MRTO4: variants seen among roughly 807,000 people sequenced by gnomAD.
MRTO4 encodes the protein mRNA turnover protein 4 homolog.
In MRTO4, 7 loss-of-function variants were observed where a neutral mutation model predicts 28.6. The observed-to-expected ratio is 0.24, with a 90% confidence interval of 0.14 to 0.46. The LOEUF is 0.46. Ranked by LOEUF, MRTO4 falls within the 20% of genes least tolerant of loss-of-function variation. The pLI, the probability that MRTO4 is intolerant of heterozygous loss-of-function variation, is 0.99. For synonymous variants in MRTO4, 113 were observed against 108.2 expected, an observed-to-expected ratio of 1.04 and a Z score of -0.27; for missense variants, 302 against 298.3, an observed-to-expected ratio of 1.01 and a Z score of -0.09.
chr1:19,259,705 GA>G lies in MRTO4; in HGVS notation c.*879del, dbSNP rs1258626228. On this transcript the variant is annotated 3_prime_UTR_variant, in exon 8 of 8. Coordinates refer to ENST00000330263, the MANE Select transcript of MRTO4 (RefSeq NM_016183.4). ...CCCCTTGGCAGAGGGATTTGCTGAG[GA>G]AAATTAGGTATCCTTCCTAGCCCTC... is the stretch of plus-strand genomic sequence containing the variant. The G allele has an allele frequency of 6.6e-6, 1 of 152,300 alleles. No individual in the cohort carries two copies. Among genetic ancestry groups the G allele is most frequent in the Non-Finnish European group, 1.5e-5 (1 of 68,090 alleles). The allele number at this position is 152,300 out of a possible 1,614,324, so 9.4% of individuals were successfully genotyped here. A position where few individuals can be genotyped will look rare whatever the true frequency, so the allele number is the denominator to read the frequency against.
rs1045780459 is a variant in MRTO4 at position 19,254,333 on chromosome 1, G to T, written c.29-449G>T. Among the ~76,000 whole-genome samples the T allele has an allele frequency of 7.2e-5, 11 of 152,094 alleles. 1 individual carries two copies. The highest frequency in any genetic ancestry group is 2.7e-4 in the African/African-American group (11 of 41,398). On this transcript the variant is annotated intron_variant, in intron 1 of 7. Coordinates refer to ENST00000330263, the MANE Select transcript of MRTO4 (RefSeq NM_016183.4). Reference sequence around the variant, plus strand: ...GATTGCCTGAGCCTAGGAGCTCAAAGTTGCAGTGAGCCCAGATCGTGCCAT... The same window carrying T: ...GATTGCCTGAGCCTAGGAGCTCAAATTTGCAGTGAGCCCAGATCGTGCCAT...
In MRTO4 at chr1:19,257,278, G is replaced by T. The variant is rs566489779; in HGVS notation, c.273+133G>T. The T allele has an allele frequency of 1.2e-3, 1,439 of 1,207,942 alleles. 3 individuals are homozygous for T. Among genetic ancestry groups the T allele is most frequent in the Non-Finnish European group, 1.6e-3 (1,290 of 829,324 alleles). The allele number at this position is 1,207,942 out of a possible 1,614,324, so 74.8% of individuals were successfully genotyped here. A position where few individuals can be genotyped will look rare whatever the true frequency, so the allele number is the denominator to read the frequency against. ...GAGCAGGGCCTGGCTTAAAGCTCTG[G>T]GTTCTCCCTTCACCTCCGGACCCAA... On this transcript the variant is annotated intron_variant, in intron 4 of 7. Transcript: ENST00000330263.
intron 1 of MRTO4, chr1:19,252,328 C>T (rs1407383195): frequency 5.4e-6 from 1 of 184,652 alleles, no homozygotes; most frequent in East Asian, 1.6e-4. Flanking sequence ...TTTGCGCCTT[C>T]TTAGTTGTCA....
rs556105786 is a variant in MRTO4 at position 19,258,988 on chromosome 1, C to T, written c.*158C>T. The T allele has an allele frequency of 1.6e-5, 15 of 947,672 alleles. No homozygotes were observed. Among genetic ancestry groups the T allele is most frequent in the South Asian group, 3.8e-5 (2 of 53,074 alleles). The allele number at this position is 947,672 out of a possible 1,614,324, so 58.7% of individuals were successfully genotyped here. A position where few individuals can be genotyped will look rare whatever the true frequency, so the allele number is the denominator to read the frequency against. The stretch of plus-strand genomic sequence containing the variant: ...GTAAAGAATAAAACTGTGGGCCGGG[C>T]GCGGTGGCTCACGCCTGGAATCCCA... On this transcript the variant is annotated 3_prime_UTR_variant, in exon 8 of 8. Coordinates refer to ENST00000330263, the MANE Select transcript of MRTO4 (RefSeq NM_016183.4).
At chr1:19,258,116 G>T in intron 6 of MRTO4, 132 bp downstream of exon 6, 1 of 1,228,348 alleles carries the variant, frequency 8.1e-7, no homozygotes. Flanking sequence ...GGGGCTAAGA[G>T]TGCATGCCTC....
intron 1 of MRTO4, among the ~76,000 whole-genome samples, chr1:19,252,893 C>A (rs898414027): frequency 6.6e-6 from 1 of 152,096 alleles, no homozygotes. Flanking sequence ...GCTCCAACCA[C>A]CCTCCCTGAG....
intron 1 of MRTO4, among the ~76,000 whole-genome samples, chr1:19,252,591 TGG>T (rs1282017641): frequency 6.6e-6 from 1 of 152,130 alleles, no homozygotes; most frequent in South Asian, 2.1e-4. Context: ...CCCAGCTACT[TGG>T]GAGACTGAGG....
In MRTO4 at chr1:19,257,090, T is replaced by A; in HGVS notation, c.218T>A (p.Met73Lys). The change falls in exon 4 of 8, where the codon ATG (methionine) becomes AAG (lysine). Residue 73 changes from methionine (M) to lysine (K), a missense_variant. Met to Lys is a moderately conservative substitution (Grantham distance 95, BLOSUM62 -1). Coordinates refer to ENST00000330263, the MANE Select transcript of MRTO4 (RefSeq NM_016183.4). ...ATGTTCTTTGGCAAAAACAAGGTGA[T>A]GATGGTGGCCTTGGGTCGGAGCCCA... ...SRMFFGKNKV[M>K]MVALGRSPSD... The A allele has an allele frequency of 1.2e-6, 2 of 1,614,134 alleles. No homozygotes were observed. Among genetic ancestry groups the A allele is most frequent in the Non-Finnish European group, 1.7e-6 (2 of 1,180,028 alleles).
intron 6 of MRTO4, 76 bp downstream of exon 6, chr1:19,258,060 G>A: frequency 6.5e-7 from 1 of 1,527,536 alleles, no homozygotes. Context: ...TCCCTTTCTA[G>A]CTGAGCAAGT....
intron 5 of MRTO4, 28 bp from the exon 6 acceptor site, chr1:19,257,805 T>G (rs779242913): frequency 1.6e-5 from 26 of 1,608,686 alleles, no homozygotes; most frequent in Non-Finnish European, 2.2e-5. Context: ...CAGGAGCATC[T>G]CCTCCTACCA....
chr1:19,257,971 C>T lies in MRTO4; in HGVS notation c.480C>T (p.Thr160=), dbSNP rs142730134. ...AGCTCAGGCAGCTGGGCCTGCCCAC[C>T]GCCCTCAAGAGAGGTATGGGCAGCC... ...EPQLRQLGLP[T]ALKRGVVTLL... The change falls in exon 6 of 8, where the codon ACC becomes ACT. Residue 160 remains threonine (T), a synonymous_variant. Coordinates refer to ENST00000330263, the MANE Select transcript of MRTO4 (RefSeq NM_016183.4). 47 of 1,613,768 alleles carry T rather than the reference C, an allele frequency of 2.9e-5. No homozygotes were observed. Among genetic ancestry groups the T allele is most frequent in the South Asian group, 8.8e-5 (8 of 91,086 alleles).
intron 1 of MRTO4, among the ~76,000 whole-genome samples, chr1:19,253,848 C>T (rs181023462): frequency 6.6e-6 from 1 of 152,162 alleles, no homozygotes; most frequent in African/African-American, 2.4e-5. Flanking sequence ...CGATTTGATT[C>T]TGTGGAGGGG....
At chr1:19,257,543 A>G in intron 5 of MRTO4, 22 bp downstream of exon 5, 7 of 1,613,488 alleles carry the variant, frequency 4.3e-6, no homozygotes, top group Non-Finnish European at 5.1e-6. Context: ...TGAGGAACGG[A>G]GGGAAAGAGG....
chr1:19,258,427 C>T (rs2093674806), intron 6 of MRTO4, 50 bp from the exon 7 acceptor site: 2 of 1,605,160 alleles, frequency 1.2e-6, no homozygotes, highest in South Asian at 1.1e-5. Flanking sequence ...GCAGAGAGGG[C>T]TCTGCAGGCC....
intron 2 of MRTO4, among the ~76,000 whole-genome samples, chr1:19,255,347 A>G (rs932620090): frequency 1.3e-5 from 2 of 151,994 alleles, no homozygotes; most frequent in Non-Finnish European, 2.9e-5. Flanking sequence ...AAAAGAAAAA[A>G]AAACTAGCTG....
chr1:19,251,921 T>C, intron 1 of MRTO4, 58 bp downstream of exon 1: 1 of 1,556,436 alleles, frequency 6.4e-7, no homozygotes. Context: ...CTACCCAGCC[T>C]GCGGTGAGGG....
At chr1:19,252,029 A>C (rs2093661848) in intron 1 of MRTO4, 166 bp downstream of exon 1, 1 of 1,021,200 alleles carries the variant, frequency 9.8e-7, no homozygotes, top group Non-Finnish European at 1.4e-6. Context: ...GGGCTGTAAA[A>C]CCGCCAGAGG....
chr1:19,257,698 G>T, intron 5 of MRTO4, 135 bp from the exon 6 acceptor site: 1 of 1,377,814 alleles, frequency 7.3e-7, no homozygotes, highest in Non-Finnish European at 1.0e-6. Flanking sequence ...ATGGTGCTCT[G>T]GGCTGGCTGC....
At chr1:19,258,337 G>A in intron 6 of MRTO4, 140 bp from the exon 7 acceptor site, 2 of 1,046,232 alleles carry the variant, frequency 1.9e-6, no homozygotes, top group East Asian at 2.4e-5. Flanking sequence ...AGGGACCTCA[G>A]GGAGACAGCC....
Sources: gnomAD v4.1 joint callset for allele counts (sites outside exome capture counted in the v4.1 genomes callset) on GRCh38, gnomAD v4.1.1 for gene constraint, MANE v1.5 for transcripts, NCBI Gene and HGNC (gene_info 2026-07-23, HGNC 2026-07-21) for gene names.